Variants in FAF1 observed in about 807,000 individuals in gnomAD.
The protein encoded by FAF1 is Fas associated factor 1.
Under a neutral mutation model 92.5 loss-of-function variants are expected in FAF1, and 25 were observed. The ratio of observed to expected loss-of-function variants is 0.27; its 90% CI spans 0.20 to 0.38. FAF1 has a LOEUF of 0.38. Ranked by LOEUF, FAF1 falls within the 10% of genes least tolerant of loss-of-function variation. The pLI is 1.00. For missense variants in FAF1, 636 were observed against 793.3 expected, an observed-to-expected ratio of 0.80 and a Z score of 2.38; for synonymous variants, 234 against 273.2, an observed-to-expected ratio of 0.86 and a Z score of 1.42.
intron 18 of FAF1, among the ~76,000 whole-genome samples, chr1:50,473,674 T>G (rs1646602806): frequency 6.6e-6 from 1 of 152,156 alleles, no homozygotes; most frequent in South Asian, 2.1e-4. Flanking sequence ...GTGTGCCTTA[T>G]ATACAAATAA....
intron 18 of FAF1, among the ~76,000 whole-genome samples, chr1:50,446,614 T>C (rs568198817): frequency 6.8e-4 from 104 of 152,312 alleles, no homozygotes; most frequent in African/African-American, 2.5e-3. Flanking sequence ...GCAGCAGCAA[T>C]ACTTGCATAG....
At chr1:50,795,267 G>GC (rs1482913934) in intron 3 of FAF1, among the ~76,000 whole-genome samples, 1 of 152,180 alleles carries the variant, frequency 6.6e-6, no homozygotes, top group Non-Finnish European at 1.5e-5. Context: ...CATGGAGGGG[G>GC]CAGTGATCTA....
intron 8 of FAF1, among the ~76,000 whole-genome samples, chr1:50,600,251 A>G (rs1271904477): frequency 6.6e-6 from 1 of 152,210 alleles, no homozygotes; most frequent in Non-Finnish European, 1.5e-5. Flanking sequence ...TTATATTAAT[A>G]TAATAGATGT....
At chr1:50,870,143 G>A (rs539363463) in intron 1 of FAF1, among the ~76,000 whole-genome samples, 13 of 152,272 alleles carry the variant, frequency 8.5e-5, no homozygotes, top group South Asian at 4.1e-4. Flanking sequence ...CTACAGCACC[G>A]TGAAGATATT....
intron 8 of FAF1, among the ~76,000 whole-genome samples, chr1:50,639,268 AATCTT>A (rs1472138386): frequency 2.6e-5 from 4 of 152,192 alleles, no homozygotes; most frequent in African/African-American, 9.7e-5. Flanking sequence ...TTCAAGTACA[AATCTT>A]TGTGAGAACA....
intron 17 of FAF1, among the ~76,000 whole-genome samples, chr1:50,483,251 G>GA (rs747188593): frequency 1.4e-4 from 21 of 152,016 alleles, no homozygotes; most frequent in Non-Finnish European, 2.4e-4. Context: ...ATCATGTGTT[G>GA]AAAAGACTAT....
chr1:50,757,873 A>C (rs1660142108), intron 4 of FAF1, among the ~76,000 whole-genome samples: 1 of 151,968 alleles, frequency 6.6e-6, no homozygotes, highest in African/African-American at 2.4e-5. Flanking sequence ...ACTGAGCTTA[A>C]TGACCATTAT....
At chr1:50,524,935 T>C (rs1289051200) in intron 15 of FAF1, among the ~76,000 whole-genome samples, 3 of 151,988 alleles carry the variant, frequency 2.0e-5, no homozygotes, top group Non-Finnish European at 2.9e-5. Flanking sequence ...GCCCAGGGTG[T>C]AGTGCAGTGG....
chr1:50,885,504 C>A (rs933397444), intron 1 of FAF1, among the ~76,000 whole-genome samples: 1 of 151,992 alleles, frequency 6.6e-6, no homozygotes, highest in Non-Finnish European at 1.5e-5. Context: ...TATAGTTATG[C>A]ATGCTCTTTT....
At chr1:50,540,261 T>C (rs1648700541) in intron 13 of FAF1, among the ~76,000 whole-genome samples, 1 of 152,136 alleles carries the variant, frequency 6.6e-6, no homozygotes, top group Non-Finnish European at 1.5e-5. Context: ...TGTGAGCCAC[T>C]GCACCCGGCA....
At chr1:50,450,754 G>A (rs1176897762) in intron 18 of FAF1, among the ~76,000 whole-genome samples, 2 of 152,030 alleles carry the variant, frequency 1.3e-5, no homozygotes, top group Non-Finnish European at 2.9e-5. Flanking sequence ...CTGAGTCAGG[G>A]TATAAAAAAA....
intron 13 of FAF1, among the ~76,000 whole-genome samples, chr1:50,545,065 C>T (rs2149043145): frequency 6.6e-6 from 1 of 151,580 alleles, no homozygotes; most frequent in East Asian, 1.9e-4. Flanking sequence ...CATAACTAGG[C>T]CAAAAGATAA....
In FAF1 at chr1:50,462,046, C is replaced by T. The variant is rs1207434976; in HGVS notation, c.1869+13418G>A. On this transcript the variant is annotated intron_variant, in intron 18 of 18. Coordinates refer to ENST00000396153, the MANE Select transcript of FAF1 (RefSeq NM_007051.3). ...TTATATATTATATTATATATTAATA[C>T]CAATATATAACATATCAATATTTTA... is the stretch of plus-strand genomic sequence containing the variant. The T allele has an allele frequency of 2.1e-5, 3 of 145,618 alleles. No homozygotes were observed. The East Asian group carries it at 5.9e-4, about 29-fold the overall frequency. The allele number at this position is 145,618 out of a possible 1,614,324, so 9.0% of individuals were successfully genotyped here. A position where few individuals can be genotyped will look rare whatever the true frequency, so the allele number is the denominator to read the frequency against.
chr1:50,860,514 A>G (rs190080304), intron 1 of FAF1, among the ~76,000 whole-genome samples: 1 of 151,992 alleles, frequency 6.6e-6, no homozygotes, highest in South Asian at 2.1e-4. Flanking sequence ...CACATCACCA[A>G]TCACAGAGAA....
intron 12 of FAF1, among the ~76,000 whole-genome samples, chr1:50,572,623 T>C (rs1490608150): frequency 2.0e-5 from 3 of 152,186 alleles, no homozygotes; most frequent in Non-Finnish European, 4.4e-5. Context: ...AGCCACACTA[T>C]CTGGATTCAA....
intron 2 of FAF1, among the ~76,000 whole-genome samples, chr1:50,829,115 G>A (rs949493166): frequency 6.6e-6 from 1 of 152,204 alleles, no homozygotes; most frequent in Non-Finnish European, 1.5e-5. Flanking sequence ...AAGGCTGACA[G>A]GTAGTGAGTG....
At chr1:50,918,267 G>A (rs572000196) in intron 1 of FAF1, among the ~76,000 whole-genome samples, 3 of 113,754 alleles carry the variant, frequency 2.6e-5, no homozygotes, top group Non-Finnish European at 5.3e-5. Flanking sequence ...ATGTATACAT[G>A]TGCCATGCTG....
intron 1 of FAF1, among the ~76,000 whole-genome samples, chr1:50,889,176 T>C (rs934964973): frequency 3.9e-5 from 6 of 152,254 alleles, no homozygotes; most frequent in Non-Finnish European, 8.8e-5. Flanking sequence ...TATTCTCTGA[T>C]GGTAGTTTGT....
intron 4 of FAF1, among the ~76,000 whole-genome samples, chr1:50,766,954 AG>A (rs1255618462): frequency 6.6e-6 from 1 of 152,170 alleles, no homozygotes; most frequent in Non-Finnish European, 1.5e-5. Flanking sequence ...CCCCAGCAAT[AG>A]GTCTTAACCA....
Sources: allele counts gnomAD v4.1 joint callset (sites outside exome capture counted in the v4.1 genomes callset), GRCh38; gene constraint gnomAD v4.1.1; transcripts MANE v1.5; gene names NCBI Gene and HGNC (gene_info 2026-07-23, HGNC 2026-07-21).